Variants in SMAD3 observed in about 807,000 individuals in gnomAD.
SMAD3 encodes the protein SMAD family member 3.
In SMAD3, 12 loss-of-function variants were observed where a neutral mutation model predicts 51.8. That is an observed-to-expected ratio of 0.23 (90% confidence interval 0.15 to 0.38). The LOEUF (loss-of-function observed/expected upper bound fraction) is 0.38, where lower values mean the gene tolerates loss of function less well. SMAD3 is among the 10% of genes least tolerant of loss of function. The probability of loss-of-function intolerance (pLI) is 1.00; values close to 1 mark genes in which losing one functional copy is unlikely to be tolerated. For synonymous variants in SMAD3, 238 were observed against 227.7 expected (o/e 1.05, Z -0.41); for missense variants, 294 against 565.6 (o/e 0.52, Z 4.87).
At chr15:67,099,606 T>C (rs1960704302) in intron 1 of SMAD3, among the ~76,000 whole-genome samples, 1 of 152,184 alleles carries the variant, frequency 6.6e-6, no homozygotes, top group Admixed American at 6.5e-5. Context: ...GCAGAAATGT[T>C]TTGATTCATG....
At chr15:67,188,159 T>C (rs982808579) in intron 8 of SMAD3, among the ~76,000 whole-genome samples, 1 of 147,084 alleles carries the variant, frequency 6.8e-6, no homozygotes, top group African/African-American at 2.5e-5. Context: ...TTTTTTTTTT[T>C]TTTTTTTTTT....
chr15:67,108,986 A>G (rs760611520), intron 1 of SMAD3, among the ~76,000 whole-genome samples: 3 of 152,160 alleles, frequency 2.0e-5, no homozygotes, highest in African/African-American at 4.8e-5. Context: ...AATAGGCTTA[A>G]TTTTCCTCAA....
At chr15:67,146,432 G>A (rs983567547) in intron 1 of SMAD3, among the ~76,000 whole-genome samples, 10 of 152,190 alleles carry the variant, frequency 6.6e-5, no homozygotes, top group East Asian at 1.9e-4. Flanking sequence ...CCCAGGGCAC[G>A]TGGCCAGAGC....
At chr15:67,189,847 C>G (rs1244696623) in intron 8 of SMAD3, among the ~76,000 whole-genome samples, 1 of 151,998 alleles carries the variant, frequency 6.6e-6, no homozygotes, top group Non-Finnish European at 1.5e-5. Context: ...ATGGCTCGTT[C>G]TGCTTGTAAG....
At chr15:67,079,400 T>C (rs1459118048) in intron 1 of SMAD3, among the ~76,000 whole-genome samples, 1 of 152,150 alleles carries the variant, frequency 6.6e-6, no homozygotes, top group Non-Finnish European at 1.5e-5. Context: ...TTAGAGACAA[T>C]CATAAATATT....
intron 1 of SMAD3, among the ~76,000 whole-genome samples, chr15:67,153,710 A>G (rs1392669110): frequency 2.0e-5 from 3 of 152,168 alleles, no homozygotes; most frequent in African/African-American, 7.2e-5. Context: ...AGCATTCTAT[A>G]TCTGTCTCTA....
At chr15:67,138,169 T>G (rs1961716024) in intron 1 of SMAD3, 2 of 1,214,608 alleles carry the variant, frequency 1.6e-6, no homozygotes, top group Non-Finnish European at 2.4e-6. Flanking sequence ...TCCACAGGGT[T>G]GCTGGCCAGA....
chr15:67,187,128 C>G, intron 7 of SMAD3: 3 of 668,740 alleles, frequency 4.5e-6, no homozygotes, highest in South Asian at 3.0e-5. Flanking sequence ...TCTCCCCTTG[C>G]AGGTATGTCA....
chr15:67,190,589 A>T lies in SMAD3; in HGVS notation c.*53A>T, dbSNP rs535477771. The T allele has an allele frequency of 5.0e-6, 8 of 1,595,110 alleles. No homozygotes were observed. The South Asian group carries it at 8.8e-5, about 18-fold the overall frequency. ...GGCTTGGGGAAAATGGCCATGCAGG[A>T]GGTGGAGAAAATTGGAACTCTACTC... On this transcript the variant is annotated 3_prime_UTR_variant, in exon 9 of 9. Coordinates refer to ENST00000327367, the MANE Select transcript of SMAD3 (RefSeq NM_005902.4).
At position 67,191,132 on chromosome 15, in the gene SMAD3, C is replaced by G. The variant is rs565764510; in HGVS notation, c.*596C>G. 1 of 232,694 alleles carries G rather than the reference C, an allele frequency of 4.3e-6. No homozygotes were observed. The highest frequency in any genetic ancestry group is 2.2e-5 in the African/African-American group (1 of 45,180). The allele number at this position is 232,694 out of a possible 1,614,324, so 14.4% of individuals were successfully genotyped here. A position where few individuals can be genotyped will look rare whatever the true frequency, so the allele number is the denominator to read the frequency against. ...GGGAGGGAGTTTTGTCTGTCTCCCT[C>G]CCCTCTCAGAACATACTGATTGGGA... On this transcript the variant is annotated 3_prime_UTR_variant, in exon 9 of 9. Coordinates refer to ENST00000327367, the MANE Select transcript of SMAD3 (RefSeq NM_005902.4).
chr15:67,077,273 C>T (rs1340750692), intron 1 of SMAD3, among the ~76,000 whole-genome samples: 2 of 152,146 alleles, frequency 1.3e-5, no homozygotes, highest in Non-Finnish European at 2.9e-5. Context: ...ATTTTTGTAG[C>T]ATCCGCTCAG....
At chr15:67,179,237 AT>A (rs1962987764) in intron 5 of SMAD3, among the ~76,000 whole-genome samples, 1 of 152,128 alleles carries the variant, frequency 6.6e-6, no homozygotes, top group Non-Finnish European at 1.5e-5. Flanking sequence ...ATCCAGTTAA[AT>A]ATCTAGGGCA....
chr15:67,087,542 TC>T (rs1960419762), intron 1 of SMAD3, among the ~76,000 whole-genome samples: 1 of 152,324 alleles, frequency 6.6e-6, no homozygotes, highest in South Asian at 2.1e-4. Context: ...TATCTGTGCA[TC>T]AGAAAACTCA....
chr15:67,189,583 C>T (rs1232113735), intron 8 of SMAD3, among the ~76,000 whole-genome samples: 2 of 152,218 alleles, frequency 1.3e-5, no homozygotes, highest in African/African-American at 4.8e-5. Flanking sequence ...CCTTGTCGTC[C>T]TCCTGCCTCT....
intron 1 of SMAD3, among the ~76,000 whole-genome samples, chr15:67,067,587 G>A (rs1395924811): frequency 1.3e-5 from 2 of 152,192 alleles, no homozygotes; most frequent in Non-Finnish European, 2.9e-5. Context: ...CCTGCTTGGG[G>A]CAGTTGTACA....
chr15:67,153,447 G>C (rs1022673824), intron 1 of SMAD3, among the ~76,000 whole-genome samples: 1 of 138,014 alleles, frequency 7.2e-6, no homozygotes, highest in Admixed American at 8.0e-5. Flanking sequence ...TCACTCCGCT[G>C]TACTCCAGCC....
chr15:67,067,066 A>AC (rs1320949440), intron 1 of SMAD3, among the ~76,000 whole-genome samples: 21 of 83,462 alleles, frequency 2.5e-4, no homozygotes, highest in Admixed American at 1.2e-3. Flanking sequence ...CCCACCTCCC[A>AC]CCCCCCCATC....
chr15:67,150,820 A>T (rs12915608), intron 1 of SMAD3, among the ~76,000 whole-genome samples: 40,976 of 55,756 alleles, frequency 0.73, 13,643 homozygotes, highest in African/African-American at 0.75. Context: ...TTTTTTTTTT[A>T]TTAAGAGAGC....
Position 67,107,132 on chromosome 15 carries a change from A to G in SMAD3, c.206+40772A>G, listed in dbSNP as rs543233747. Among the ~76,000 whole-genome samples, 28 of 152,104 alleles carry G rather than the reference A, an allele frequency of 1.8e-4. No homozygotes were observed. The South Asian group carries it at 2.3e-3, about 12-fold the overall frequency. ...AGTACCTGGAACAGTCAAGCCCTCAATAAATGTTTACTGAGTGCATTAAAA... is the reference window on the plus strand; with the variant it reads ...AGTACCTGGAACAGTCAAGCCCTCAGTAAATGTTTACTGAGTGCATTAAAA... On this transcript the variant is annotated intron_variant, in intron 1 of 8. Coordinates refer to ENST00000327367, the MANE Select transcript of SMAD3 (RefSeq NM_005902.4).
Sources: gnomAD v4.1 joint callset for allele counts (sites outside exome capture counted in the v4.1 genomes callset) on GRCh38, gnomAD v4.1.1 for gene constraint, MANE v1.5 for transcripts, NCBI Gene and HGNC (gene_info 2026-07-23, HGNC 2026-07-21) for gene names.